The following CSMD1 variants were observed in gnomAD, a reference collection of about 807,000 sequenced individuals.
CSMD1 encodes the protein CUB and sushi domain-containing protein 1.
A neutral mutation model predicts 417.5 loss-of-function variants in CSMD1; 213 were observed. That is an observed-to-expected ratio of 0.51 (90% CI 0.46 to 0.57). The LOEUF (loss-of-function observed/expected upper bound fraction) is 0.57, where lower values mean the gene tolerates loss of function less well. CSMD1 is among the 20% of genes least tolerant of loss of function. The probability of loss-of-function intolerance (pLI) is 0.00; values close to 1 mark genes in which losing one functional copy is unlikely to be tolerated. For missense variants in CSMD1, 6,923 were observed against 4,529.7 expected, an observed-to-expected ratio of 1.53 and a Z score of -15.17; for synonymous variants, 2,862 against 1,736.8, an observed-to-expected ratio of 1.65 and a Z score of -16.11.
intron 12 of CSMD1, among the ~76,000 whole-genome samples, chr8:3,463,068 C>G (rs1159498997): frequency 6.6e-6 from 1 of 152,224 alleles, no homozygotes; most frequent in African/African-American, 2.4e-5. Context: ...CTGCCACTGC[C>G]TTGATCGTGG....
At chr8:4,511,177 G>C (rs192901749) in intron 2 of CSMD1, among the ~76,000 whole-genome samples, 215 of 152,168 alleles carry the variant, frequency 1.4e-3, no homozygotes, top group African/African-American at 4.9e-3. Context: ...CACATAGCAA[G>C]CCTGCAATAG....
intron 3 of CSMD1, among the ~76,000 whole-genome samples, chr8:4,347,008 G>C (rs939507374): frequency 1.1e-4 from 16 of 152,242 alleles, no homozygotes; most frequent in Non-Finnish European, 2.1e-4. Flanking sequence ...AGGGCTCCAG[G>C]ATACTTAAAG....
At chr8:4,575,425 A>G in intron 2 of CSMD1, among the ~76,000 whole-genome samples, 1 of 151,938 alleles carries the variant, frequency 6.6e-6, no homozygotes, top group Non-Finnish European at 1.5e-5. Context: ...CATTTCCACT[A>G]CATATTGTCT....
intron 1 of CSMD1, among the ~76,000 whole-genome samples, chr8:4,853,642 T>A (rs1316953721): frequency 6.6e-6 from 1 of 152,110 alleles, no homozygotes; most frequent in Non-Finnish European, 1.5e-5. Context: ...CCATGGAATG[T>A]CCCCACTGGA....
chr8:3,807,764 T>C (rs1052169741), intron 5 of CSMD1, among the ~76,000 whole-genome samples: 1 of 152,154 alleles, frequency 6.6e-6, no homozygotes, highest in African/African-American at 2.4e-5. Flanking sequence ...CTATTTTTAG[T>C]TCTCTCTCTG....
chr8:4,459,877 A>G (rs887840150), intron 2 of CSMD1, among the ~76,000 whole-genome samples: 15 of 152,214 alleles, frequency 9.9e-5, no homozygotes, highest in African/African-American at 3.6e-4. Flanking sequence ...CAAAATATAT[A>G]AAACAGAACC....
At chr8:4,810,343 G>C (rs1042162838) in intron 1 of CSMD1, among the ~76,000 whole-genome samples, 4 of 152,134 alleles carry the variant, frequency 2.6e-5, no homozygotes, top group Non-Finnish European at 5.9e-5. Flanking sequence ...TAAATGCACA[G>C]CTTGCATTTT....
At chr8:3,437,430 T>C (rs1395625292) in intron 12 of CSMD1, among the ~76,000 whole-genome samples, 4 of 152,152 alleles carry the variant, frequency 2.6e-5, no homozygotes, top group South Asian at 2.1e-4. Context: ...CTGAATTAAA[T>C]GGGCTGTGTA....
At chr8:3,836,140 AT>A (rs1307121345) in intron 5 of CSMD1, among the ~76,000 whole-genome samples, 2 of 152,022 alleles carry the variant, frequency 1.3e-5, no homozygotes, top group African/African-American at 2.4e-5. Flanking sequence ...GTGTGAAGTT[AT>A]TTTTTTCTTA....
chr8:3,833,640 A>C (rs1298788717), intron 5 of CSMD1, among the ~76,000 whole-genome samples: 1 of 152,124 alleles, frequency 6.6e-6, no homozygotes, highest in Non-Finnish European at 1.5e-5. Context: ...TGTCTCTCAC[A>C]GGATGGTGTT....
intron 3 of CSMD1, among the ~76,000 whole-genome samples, chr8:4,045,630 G>T (rs914691842): frequency 6.6e-6 from 1 of 152,166 alleles, no homozygotes; most frequent in African/African-American, 2.4e-5. Context: ...CATAGAAAAG[G>T]GGAAATTAGC....
intron 8 of CSMD1, among the ~76,000 whole-genome samples, chr8:3,605,599 T>G (rs1281586106): frequency 6.6e-6 from 1 of 152,204 alleles, no homozygotes; most frequent in Non-Finnish European, 1.5e-5. Context: ...TTAATGTACT[T>G]CAGTTTCTCC....
chr8:3,982,679 C>G (rs973657549), intron 5 of CSMD1, among the ~76,000 whole-genome samples: 1 of 151,550 alleles, frequency 6.6e-6, no homozygotes, highest in Non-Finnish European at 1.5e-5. Context: ...ACCAGGGTGG[C>G]GGACCGGAAG....
chr8:4,756,791 A>G (rs1811695692), intron 1 of CSMD1, among the ~76,000 whole-genome samples: 1 of 152,152 alleles, frequency 6.6e-6, no homozygotes, highest in South Asian at 2.1e-4. Context: ...TTAGGTCTAT[A>G]TTTTCTATGT....
At chr8:3,599,664 T>G (rs1362493041) in intron 8 of CSMD1, among the ~76,000 whole-genome samples, 1 of 152,238 alleles carries the variant, frequency 6.6e-6, no homozygotes, top group Non-Finnish European at 1.5e-5. Flanking sequence ...ACTGCAGCTT[T>G]ATGCCTTTAA....
chr8:4,452,268 C>G (rs903271840), intron 2 of CSMD1, among the ~76,000 whole-genome samples: 1 of 152,130 alleles, frequency 6.6e-6, no homozygotes, highest in African/African-American at 2.4e-5. Flanking sequence ...TCCTCCTTGT[C>G]AAAGGAGGAT....
At chr8:2,956,692 G>A (rs578141900) in intron 63 of CSMD1, among the ~76,000 whole-genome samples, 22 of 152,024 alleles carry the variant, frequency 1.4e-4, no homozygotes, top group South Asian at 6.2e-4. Flanking sequence ...TCCTGACCTC[G>A]TGATCCACCT....
chr8:3,693,697 C>G lies in CSMD1; in HGVS notation c.1009+14717G>C, dbSNP rs555886220. Among the ~76,000 whole-genome samples, 49 of 151,974 alleles carry G rather than the reference C, an allele frequency of 3.2e-4. No homozygotes were observed. The South Asian group carries it at 1.0e-2, about 31-fold the overall frequency. On this transcript the variant is annotated intron_variant, in intron 7 of 69. Coordinates refer to ENST00000635120, the MANE Select transcript of CSMD1 (RefSeq NM_033225.6). ...ATATAAAGAGAAAAATGAAACAGAA[C>G]GGGAATTAGAAAATGTATGTGTTGT...
At chr8:3,076,779 C>T (rs1004251615) in intron 49 of CSMD1, among the ~76,000 whole-genome samples, 7 of 152,156 alleles carry the variant, frequency 4.6e-5, no homozygotes, top group African/African-American at 9.7e-5. Flanking sequence ...CCAGGCTTTG[C>T]GCAAAATGCT....
Sources: allele counts gnomAD v4.1 joint callset (sites outside exome capture counted in the v4.1 genomes callset), GRCh38; gene constraint gnomAD v4.1.1; transcripts MANE v1.5; gene names NCBI Gene and HGNC (gene_info 2026-07-23, HGNC 2026-07-21).